The following ITPR2 variants were observed in gnomAD, a reference collection of about 807,000 sequenced individuals.
ITPR2 encodes inositol 1,4,5-trisphosphate-gated calcium channel ITPR2.
ITPR2 carries 207 observed loss-of-function variants against 317.1 expected under a neutral mutation model. The ratio of observed to expected loss-of-function variants is 0.65; its 90% CI spans 0.58 to 0.73. The LOEUF is 0.73. Among genes scored for constraint, ITPR2 ranks in the 30% least tolerant of loss-of-function variants. The pLI is 0.00. For missense variants in ITPR2, 2,613 were observed against 3,284.0 expected, an observed-to-expected ratio of 0.80 and a Z score of 4.99; for synonymous variants, 1,156 against 1,149.1, an observed-to-expected ratio of 1.01 and a Z score of -0.12.
chr12:26,545,314 ACAGGTGTTC>A (rs1944368542), intron 37 of ITPR2, among the ~76,000 whole-genome samples: 1 of 152,156 alleles, frequency 6.6e-6, no homozygotes, highest in African/African-American at 2.4e-5. Context: ...CAATGTAATC[ACAGGTGTTC>A]TTATAGGAAG....
intron 40 of ITPR2, 77 bp from the exon 41 acceptor site, chr12:26,486,437 A>G (rs1244876879): frequency 7.9e-6 from 9 of 1,136,546 alleles, no homozygotes; most frequent in Non-Finnish European, 1.1e-5. Flanking sequence ...CAAACCAGGT[A>G]CCCAAATTCT....
chr12:26,706,667 T>C (rs941864977), intron 9 of ITPR2, among the ~76,000 whole-genome samples: 2 of 152,130 alleles, frequency 1.3e-5, no homozygotes, highest in Admixed American at 6.5e-5. Flanking sequence ...TGTATCACAC[T>C]GTACTGGGAT....
intron 55 of ITPR2, among the ~76,000 whole-genome samples, chr12:26,377,722 G>C (rs1375562254): frequency 6.6e-6 from 1 of 152,218 alleles, no homozygotes; most frequent in African/African-American, 2.4e-5. Flanking sequence ...CCTAGTTCAA[G>C]TACTTATTTA....
chr12:26,793,786 G>A (rs1356958658), intron 1 of ITPR2, among the ~76,000 whole-genome samples: 2 of 152,110 alleles, frequency 1.3e-5, no homozygotes, highest in Non-Finnish European at 2.9e-5. Context: ...CAACTAATAG[G>A]AGACGAAAGA....
chr12:26,547,457 T>G (rs182876526), intron 37 of ITPR2, among the ~76,000 whole-genome samples: 1 of 152,210 alleles, frequency 6.6e-6, no homozygotes, highest in Non-Finnish European at 1.5e-5. Flanking sequence ...CTGGTGGGAA[T>G]GTAAACTAGT....
chr12:26,718,051 AT>A (rs1196083268), intron 5 of ITPR2, among the ~76,000 whole-genome samples: 1 of 152,076 alleles, frequency 6.6e-6, no homozygotes, highest in African/African-American at 2.4e-5. Flanking sequence ...TTCCAATTAC[AT>A]TTTTTTCTTT....
chr12:26,700,497 A>G (rs556631340), intron 9 of ITPR2, among the ~76,000 whole-genome samples: 2 of 152,374 alleles, frequency 1.3e-5, no homozygotes, highest in South Asian at 2.1e-4. Context: ...GAGTACATCA[A>G]CTGAAGTGCT....
intron 45 of ITPR2, among the ~76,000 whole-genome samples, chr12:26,469,975 C>A (rs1240912926): frequency 6.6e-5 from 10 of 152,196 alleles, no homozygotes; most frequent in Admixed American, 1.3e-4. Context: ...CCAGGGCCTG[C>A]AAGCCCAACT....
intron 1 of ITPR2, among the ~76,000 whole-genome samples, chr12:26,814,636 G>C (rs909199487): frequency 8.5e-5 from 13 of 152,090 alleles, no homozygotes; most frequent in African/African-American, 2.9e-4. Context: ...TTTCAAATAA[G>C]AGTTTATAAA....
At chr12:26,367,451 T>C (rs556766985) in intron 55 of ITPR2, among the ~76,000 whole-genome samples, 1 of 142,592 alleles carries the variant, frequency 7.0e-6, no homozygotes, top group Admixed American at 7.3e-5. Context: ...TCTTAGCTTC[T>C]ATCATTTTCA....
At chr12:26,730,123 T>C (rs1406826062) in intron 2 of ITPR2, among the ~76,000 whole-genome samples, 3 of 152,192 alleles carry the variant, frequency 2.0e-5, no homozygotes, top group African/African-American at 7.2e-5. Context: ...TGGTTTAAGA[T>C]GCCACGATGT....
At chr12:26,692,464 A>T (rs954735455) in intron 10 of ITPR2, among the ~76,000 whole-genome samples, 1 of 152,190 alleles carries the variant, frequency 6.6e-6, no homozygotes, top group Non-Finnish European at 1.5e-5. Context: ...TATTCCACAT[A>T]AATATGGTAA....
At chr12:26,348,163 T>C (rs1415474022) in intron 55 of ITPR2, among the ~76,000 whole-genome samples, 1 of 152,224 alleles carries the variant, frequency 6.6e-6, no homozygotes, top group African/African-American at 2.4e-5. Flanking sequence ...TTCCTCTCTT[T>C]GCACTTTTTG....
intron 1 of ITPR2, among the ~76,000 whole-genome samples, chr12:26,798,940 G>A (rs1565774902): frequency 6.6e-6 from 1 of 152,174 alleles, no homozygotes; most frequent in Non-Finnish European, 1.5e-5. Flanking sequence ...GAGGAGTTAA[G>A]TGCACCTTTG....
intron 37 of ITPR2, among the ~76,000 whole-genome samples, chr12:26,504,647 G>T (rs767735223): frequency 7.2e-5 from 11 of 152,232 alleles, no homozygotes; most frequent in Non-Finnish European, 1.5e-4. Context: ...GATGCAAATT[G>T]GTACAACTAC....
intron 2 of ITPR2, among the ~76,000 whole-genome samples, chr12:26,760,918 C>T (rs1191663670): frequency 6.6e-6 from 1 of 152,212 alleles, no homozygotes; most frequent in Non-Finnish European, 1.5e-5. Flanking sequence ...AGGCAATAAG[C>T]TAGCCTCCAT....
At chr12:26,549,211 T>C (rs2137001349) in intron 37 of ITPR2, among the ~76,000 whole-genome samples, 1 of 152,288 alleles carries the variant, frequency 6.6e-6, no homozygotes, top group East Asian at 1.9e-4. Context: ...TTGCTAAAAT[T>C]GCATTGACCA....
intron 32 of ITPR2, among the ~76,000 whole-genome samples, chr12:26,584,715 T>G (rs1229275607): frequency 2.6e-5 from 4 of 152,230 alleles, no homozygotes; most frequent in African/African-American, 9.6e-5. Flanking sequence ...ACTGAATTTC[T>G]ACATTTTTTT....
At chr12:26,592,989 T>A (rs1945746044) in intron 32 of ITPR2, among the ~76,000 whole-genome samples, 1 of 152,212 alleles carries the variant, frequency 6.6e-6, no homozygotes, top group East Asian at 1.9e-4. Flanking sequence ...ACTAACCCTA[T>A]GGGGAATGTG....
Sources: allele counts gnomAD v4.1 joint callset (sites outside exome capture counted in the v4.1 genomes callset), GRCh38; gene constraint gnomAD v4.1.1; transcripts MANE v1.5; gene names NCBI Gene and HGNC (gene_info 2026-07-23, HGNC 2026-07-21).